IGF1R: variants seen among roughly 807,000 people sequenced by gnomAD.
The protein encoded by IGF1R is insulin like growth factor 1 receptor.
A neutral mutation model predicts 144.6 loss-of-function variants in IGF1R; 44 were observed. That is an observed-to-expected ratio of 0.30 (90% CI 0.24 to 0.39). IGF1R has a LOEUF of 0.39. Ranked by LOEUF, IGF1R falls within the 10% of genes least tolerant of loss-of-function variation. The pLI, the probability that IGF1R is intolerant of heterozygous loss-of-function variation, is 1.00. For missense variants in IGF1R, 1,355 were observed against 1,833.7 expected (o/e 0.74, Z 4.77); for synonymous variants, 795 against 722.8 (o/e 1.10, Z -1.60).
At position 98,891,560 on chromosome 15, in the gene IGF1R, C is replaced by T. The variant is rs1203277541; in HGVS notation, c.876C>T (p.Asp292=). 1.9e-6 allele frequency: 3 copies of T among 1,609,612 alleles called. No individual in the cohort carries two copies. Among genetic ancestry groups the T allele is most frequent in the South Asian group, 1.1e-5 (1 of 91,078 alleles). The change falls in exon 3 of 21, where the codon GAC becomes GAT. Residue 292 remains aspartate, a synonymous_variant. Transcript: ENST00000650285. This position sits in a 1 kb window ranked among gnomAD's most constrained non-coding sequence, Gnocchi z 4.7. ...CANILSAESS[D]SEGFVIHDGE... ...ACATCCTCAGCGCCGAGAGCAGCGA[C>T]TCCGAGGGGTTTGTGATCCACGACG...
intron 2 of IGF1R, among the ~76,000 whole-genome samples, chr15:98,846,132 C>T (rs2011318390): frequency 6.6e-6 from 1 of 152,130 alleles, no homozygotes; most frequent in South Asian, 2.1e-4. Context: ...ACATTTCTCC[C>T]CATTTCATTA....
At chr15:98,681,254 T>A (rs1388437429) in intron 1 of IGF1R, among the ~76,000 whole-genome samples, 1 of 152,208 alleles carries the variant, frequency 6.6e-6, no homozygotes, top group Non-Finnish European at 1.5e-5. Context: ...TGAGGGCGGC[T>A]GCACTACTTT....
intron 20 of IGF1R, 129 bp downstream of exon 20, chr15:98,948,837 T>TA: frequency 9.0e-7 from 1 of 1,112,546 alleles, no homozygotes; most frequent in Non-Finnish European, 1.4e-6. Context: ...CAGGCGTGGC[T>TA]AAGAGGTTTG....
chr15:98,753,230 C>CTTT (rs35184573), intron 2 of IGF1R, among the ~76,000 whole-genome samples: 16 of 143,950 alleles, frequency 1.1e-4, no homozygotes, highest in South Asian at 4.5e-4. Flanking sequence ...TACGTCCAGC[C>CTTT]TTTTTTTTTT....
intron 2 of IGF1R, among the ~76,000 whole-genome samples, chr15:98,782,846 T>C (rs1169055724): frequency 6.6e-6 from 1 of 152,236 alleles, no homozygotes; most frequent in African/African-American, 2.4e-5. Flanking sequence ...ATTGTTTTCA[T>C]AGTATATAAT....
chr15:98,838,600 C>T (rs576451761), intron 2 of IGF1R, among the ~76,000 whole-genome samples: 3 of 152,196 alleles, frequency 2.0e-5, no homozygotes, highest in Non-Finnish European at 2.9e-5. Context: ...AAGACTTTTC[C>T]AGTACTCTAA....
At chr15:98,693,125 T>A (rs2053517522) in intron 1 of IGF1R, among the ~76,000 whole-genome samples, 1 of 152,152 alleles carries the variant, frequency 6.6e-6, no homozygotes, top group Non-Finnish European at 1.5e-5. Context: ...TGACCCCATA[T>A]GAACGTCCTT....
intron 2 of IGF1R, among the ~76,000 whole-genome samples, chr15:98,723,273 G>C (rs138774989): frequency 4.3e-4 from 65 of 152,256 alleles, no homozygotes; most frequent in African/African-American, 1.5e-3. Flanking sequence ...TTGTCTCCAA[G>C]AACAAAGGAA....
At chr15:98,733,935 G>A (rs1251993663) in intron 2 of IGF1R, among the ~76,000 whole-genome samples, 1 of 152,056 alleles carries the variant, frequency 6.6e-6, no homozygotes, top group African/African-American at 2.4e-5. Flanking sequence ...GCCATAACAG[G>A]AGCTGATATT....
intron 2 of IGF1R, among the ~76,000 whole-genome samples, chr15:98,877,503 TTTTTTTTTTTC>T (rs1265644517): frequency 1.4e-5 from 2 of 143,570 alleles, no homozygotes; most frequent in Non-Finnish European, 3.0e-5. Flanking sequence ...TTTTTTTTTT[TTTTTTTTTTTC>T]CCCAAAAAAT....
chr15:98,649,525 CTT>C lies in IGF1R; in HGVS notation c.-34_-33del, dbSNP rs544674838. ...TCATTTCCTTTTTTTCTTTTCTTTT[CTT>C]TTTTTTTTTTTTTTTTTTTTTTGAG... On this transcript the variant is annotated 5_prime_UTR_variant, in exon 1 of 21. Coordinates refer to ENST00000650285, the MANE Select transcript of IGF1R (RefSeq NM_000875.5). 3,920 of 721,928 alleles carry C rather than the reference CTT, an allele frequency of 5.4e-3. 7 individuals carry two copies. The highest frequency in any genetic ancestry group is 0.021 in the African/African-American group (1,002 of 47,380). The allele number at this position is 721,928 out of a possible 1,614,324, so 44.7% of individuals were successfully genotyped here.
chr15:98,763,393 A>T (rs1481448075), intron 2 of IGF1R, among the ~76,000 whole-genome samples: 1 of 151,536 alleles, frequency 6.6e-6, no homozygotes, highest in East Asian at 1.9e-4. Flanking sequence ...GGAGGGCCTT[A>T]GTTTGTTTGC....
At chr15:98,743,055 A>G (rs4966022) in intron 2 of IGF1R, among the ~76,000 whole-genome samples, 96,948 of 152,044 alleles carry the variant, frequency 0.64, 31,139 homozygotes, top group Non-Finnish European at 0.67. Context: ...TGTGGTAATC[A>G]TGATATCATA....
intron 2 of IGF1R, among the ~76,000 whole-genome samples, chr15:98,745,563 A>G (rs1176280494): frequency 6.6e-6 from 1 of 152,272 alleles, no homozygotes; most frequent in Non-Finnish European, 1.5e-5. Context: ...GGGCAGGAAC[A>G]GGACACCTCT....
chr15:98,947,226 G>A (rs2016587682), intron 19 of IGF1R, among the ~76,000 whole-genome samples: 1 of 152,364 alleles, frequency 6.6e-6, no homozygotes, highest in East Asian at 1.9e-4. Context: ...TCTGTCCTCT[G>A]ATTGCTAAGA....
chr15:98,784,897 T>G (rs942171120), intron 2 of IGF1R, among the ~76,000 whole-genome samples: 5 of 152,208 alleles, frequency 3.3e-5, no homozygotes, highest in Non-Finnish European at 5.9e-5. Flanking sequence ...CCAAGGATTT[T>G]GTATCCGTGG....
Position 98,910,228 on chromosome 15 carries a change from C to T in IGF1R, c.1463-1087C>T, listed in dbSNP as rs559577306. Among the ~76,000 whole-genome samples, 4 of 152,320 alleles carry T rather than the reference C, an allele frequency of 2.6e-5. No homozygotes were observed. The East Asian group carries it at 7.7e-4, about 29-fold the overall frequency. On this transcript the variant is annotated intron_variant, in intron 6 of 20. Coordinates refer to ENST00000650285, the MANE Select transcript of IGF1R (RefSeq NM_000875.5). ...CTGCTCACTCTATCCCTGCAAAGCC[C>T]CTGCCTTGCTCCCTGTTCAGATCAT... is the stretch of plus-strand genomic sequence containing the variant.
At chr15:98,897,738 G>C (rs529890338) in intron 4 of IGF1R, among the ~76,000 whole-genome samples, 3 of 152,144 alleles carry the variant, frequency 2.0e-5, no homozygotes, top group African/African-American at 7.2e-5. Flanking sequence ...ACCATGTCTG[G>C]ATAATTTTAA....
At chr15:98,760,973 C>T (rs56879284) in intron 2 of IGF1R, among the ~76,000 whole-genome samples, 7,986 of 152,306 alleles carry the variant, frequency 0.052, 707 homozygotes, top group African/African-American at 0.18. Flanking sequence ...TGAACAGCTT[C>T]GTCTTGCCAA....
Sources: gnomAD v4.1 joint callset for allele counts (sites outside exome capture counted in the v4.1 genomes callset) on GRCh38, gnomAD v4.1.1 for gene constraint, Gnocchi (gnomAD v3.1) non-coding constraint, MANE v1.5 for transcripts, NCBI Gene and HGNC (gene_info 2026-07-23, HGNC 2026-07-21) for gene names.